BBX: variants seen among roughly 807,000 people sequenced by gnomAD.
BBX encodes the protein BBX high mobility group box domain containing, also known as HMG box transcription factor BBX.
BBX carries 30 observed loss-of-function variants against 100.2 expected under a neutral mutation model. The ratio of observed to expected loss-of-function variants is 0.30; its 90% CI spans 0.22 to 0.41. The LOEUF (loss-of-function observed/expected upper bound fraction) is 0.41, where lower values mean the gene tolerates loss of function less well. Among genes scored for constraint, BBX ranks in the 10% least tolerant of loss-of-function variants. BBX has a pLI of 1.00. For missense variants in BBX, 1,023 were observed against 1,129.8 expected, an observed-to-expected ratio of 0.91 and a Z score of 1.35; for synonymous variants, 376 against 388.1, an observed-to-expected ratio of 0.97 and a Z score of 0.37.
chr3:107,626,422 A>G (rs1180625628), intron 2 of BBX, among the ~76,000 whole-genome samples: 1 of 152,224 alleles, frequency 6.6e-6, no homozygotes, highest in Non-Finnish European at 1.5e-5. Context: ...ATGAACATTC[A>G]TTCTCTCACA....
chr3:107,809,381 C>A lies in BBX; in HGVS notation c.*3924C>A, dbSNP rs2108094922. 1 of 152,408 alleles carries A rather than the reference C, an allele frequency of 6.6e-6. No individual in the cohort carries two copies. The highest frequency in any genetic ancestry group is 1.5e-5 in the Non-Finnish European group (1 of 68,112). 9.4% of individuals were successfully genotyped at this position (152,408 alleles called of 1,614,324 possible). The stretch of plus-strand genomic sequence containing the variant: ...CATTCCATACAGCAAAGGAGAAGCA[C>A]CCACCACTTCATCTGGGAAAAGGAA... On this transcript the variant is annotated 3_prime_UTR_variant, in exon 18 of 18. Transcript: ENST00000325805.
chr3:107,624,848 A>G (rs1327239355), intron 2 of BBX, among the ~76,000 whole-genome samples: 1 of 152,206 alleles, frequency 6.6e-6, no homozygotes, highest in Admixed American at 6.5e-5. Flanking sequence ...CAGCCTGAGC[A>G]ACAGAGCAAG....
intron 2 of BBX, among the ~76,000 whole-genome samples, chr3:107,627,607 T>C (rs2056274467): frequency 6.6e-6 from 1 of 152,210 alleles, no homozygotes; most frequent in Non-Finnish European, 1.5e-5. Context: ...GTGTTATACA[T>C]GCATTTTTTA....
chr3:107,693,678 G>A (rs2060354668), intron 3 of BBX, among the ~76,000 whole-genome samples: 1 of 151,826 alleles, frequency 6.6e-6, no homozygotes, highest in African/African-American at 2.4e-5. Flanking sequence ...ACTTGGCGAT[G>A]CGGGCTCTTT....
At chr3:107,764,074 C>T (rs890696054) in intron 10 of BBX, among the ~76,000 whole-genome samples, 2 of 152,250 alleles carry the variant, frequency 1.3e-5, no homozygotes, top group African/African-American at 4.8e-5. Flanking sequence ...CTCGCTGCAA[C>T]CTCTGCCTCC....
chr3:107,721,480 A>G (rs34369731), intron 5 of BBX, among the ~76,000 whole-genome samples: 14,670 of 151,790 alleles, frequency 0.097, 952 homozygotes, highest in Admixed American at 0.14. Context: ...ACACTTTTTG[A>G]GTATGGTTTA....
At chr3:107,731,940 G>A (rs2063342379) in intron 6 of BBX, among the ~76,000 whole-genome samples, 1 of 152,090 alleles carries the variant, frequency 6.6e-6, no homozygotes, top group Non-Finnish European at 1.5e-5. Flanking sequence ...GCCGAGTTAG[G>A]CATTTTTACA....
chr3:107,691,627 G>A (rs934245226), intron 3 of BBX, among the ~76,000 whole-genome samples: 6 of 152,158 alleles, frequency 3.9e-5, no homozygotes, highest in Non-Finnish European at 1.5e-5. Flanking sequence ...ATCAATGATA[G>A]CATCCTATGC....
intron 13 of BBX, among the ~76,000 whole-genome samples, chr3:107,781,625 T>C (rs1025241013): frequency 1.3e-5 from 2 of 152,118 alleles, no homozygotes; most frequent in African/African-American, 4.8e-5. Context: ...TGAAGCATTG[T>C]TTACGAAAGT....
chr3:107,733,485 T>G (rs555535138), intron 7 of BBX, among the ~76,000 whole-genome samples: 4 of 152,208 alleles, frequency 2.6e-5, no homozygotes, highest in Admixed American at 2.6e-4. Context: ...TCAGGATTGT[T>G]TTATTCTTCT....
intron 2 of BBX, among the ~76,000 whole-genome samples, chr3:107,597,188 A>G (rs2053720144): frequency 6.6e-6 from 1 of 152,188 alleles, no homozygotes; most frequent in African/African-American, 2.4e-5. Context: ...TTGTCCACTT[A>G]TGAACTACTG....
At chr3:107,691,289 T>G (rs2060155980) in intron 3 of BBX, among the ~76,000 whole-genome samples, 1 of 152,166 alleles carries the variant, frequency 6.6e-6, no homozygotes, top group Admixed American at 6.5e-5. Context: ...TTGTTATTCT[T>G]AGACATGAAG....
intron 3 of BBX, among the ~76,000 whole-genome samples, chr3:107,652,769 C>A (rs1421633200): frequency 6.6e-6 from 1 of 152,140 alleles, no homozygotes; most frequent in Non-Finnish European, 1.5e-5. Context: ...GGGGAACTTG[C>A]TCATAACATT....
At chr3:107,682,339 C>A (rs1281825648) in intron 3 of BBX, among the ~76,000 whole-genome samples, 1 of 152,136 alleles carries the variant, frequency 6.6e-6, no homozygotes, top group African/African-American at 2.4e-5. Flanking sequence ...CTCGTTCATT[C>A]ATCACTAAGA....
At chr3:107,681,422 A>G (rs1283008570) in intron 3 of BBX, among the ~76,000 whole-genome samples, 1 of 152,140 alleles carries the variant, frequency 6.6e-6, no homozygotes, top group Admixed American at 6.6e-5. Context: ...ATTTTCAACT[A>G]GGGATCCCAC....
At chr3:107,597,187 TATG>T (rs2107608442) in intron 2 of BBX, among the ~76,000 whole-genome samples, 1 of 152,328 alleles carries the variant, frequency 6.6e-6, no homozygotes, top group Admixed American at 6.5e-5. Flanking sequence ...GTTGTCCACT[TATG>T]AACTACTGTT....
intron 5 of BBX, 134 bp from the exon 6 acceptor site, chr3:107,728,631 A>G (rs909269559): frequency 5.6e-6 from 4 of 719,878 alleles, no homozygotes; most frequent in African/African-American, 5.4e-5. Flanking sequence ...TCATTCTTCT[A>G]CAAGGAGAGC....
At position 107,728,513 on chromosome 3, in the gene BBX, T is replaced by C. The variant is rs1465929319; in HGVS notation, c.406-252T>C. Among the ~76,000 whole-genome samples, 7 of 152,136 alleles carry C rather than the reference T, an allele frequency of 4.6e-5. No homozygotes were observed. In the East Asian group the frequency reaches 1.3e-3, roughly 29 times the overall value. On this transcript the variant is annotated intron_variant, in intron 5 of 17. Transcript: ENST00000325805. Reference sequence around the variant, plus strand: ...TCAGAAAGCTTTTTGGATACTATTTTTTAAAGTTGAGGATTAAATAACACA... The same window carrying C: ...TCAGAAAGCTTTTTGGATACTATTTCTTAAAGTTGAGGATTAAATAACACA...
intron 5 of BBX, among the ~76,000 whole-genome samples, chr3:107,722,088 A>G (rs909689273): frequency 6.6e-6 from 1 of 152,048 alleles, no homozygotes; most frequent in African/African-American, 2.4e-5. Context: ...CAATTTGGCC[A>G]ATACTGTCCA....
Sources: allele counts gnomAD v4.1 joint callset (sites outside exome capture counted in the v4.1 genomes callset), GRCh38; gene constraint gnomAD v4.1.1; transcripts MANE v1.5; gene names NCBI Gene and HGNC (gene_info 2026-07-23, HGNC 2026-07-21).